The following NUCB2 variants were observed in gnomAD, a reference collection of about 807,000 sequenced individuals.
NUCB2 encodes nucleobindin 2, also known as nucleobindin-2.
NUCB2 carries 48 observed loss-of-function variants against 57.9 expected under a neutral mutation model. That is an observed-to-expected ratio of 0.83 (90% CI 0.66 to 1.05). The LOEUF is 1.05. Among genes scored for constraint, NUCB2 ranks in the 50% least tolerant of loss-of-function variants. The probability of loss-of-function intolerance (pLI) is 0.00; values close to 1 mark genes in which losing one functional copy is unlikely to be tolerated. For missense variants in NUCB2, 442 were observed against 476.2 expected (o/e 0.93, Z 0.67); for synonymous variants, 139 against 152.1 (o/e 0.91, Z 0.64).
At chr11:17,319,626 A>C (rs1949748390) in intron 11 of NUCB2, among the ~76,000 whole-genome samples, 1 of 152,226 alleles carries the variant, frequency 6.6e-6, no homozygotes, top group African/African-American at 2.4e-5. Flanking sequence ...ACCTATATAC[A>C]TTAATATTCA....
At chr11:17,300,389 G>A (rs1946508874) in intron 4 of NUCB2, among the ~76,000 whole-genome samples, 1 of 152,038 alleles carries the variant, frequency 6.6e-6, no homozygotes, top group Admixed American at 6.6e-5. Context: ...TATTTTCATT[G>A]TTCCCCAAAA....
chr11:17,287,191 A>G (rs1943897592), intron 2 of NUCB2, among the ~76,000 whole-genome samples: 1 of 151,984 alleles, frequency 6.6e-6, no homozygotes, highest in African/African-American at 2.4e-5. Context: ...ATATATCACC[A>G]CGCATGGTGG....
chr11:17,338,548 T>C (rs1281065792), intron 2 of NUCB2, among the ~76,000 whole-genome samples: 1 of 152,190 alleles, frequency 6.6e-6, no homozygotes, highest in Non-Finnish European at 1.5e-5. Flanking sequence ...TAATTAGTAA[T>C]AAATATATTT....
chr11:17,336,753 C>CAAAAAAA (rs71047542), downstream of NUCB2, among the ~76,000 whole-genome samples: 7 of 47,428 alleles, frequency 1.5e-4, no homozygotes, highest in African/African-American at 4.6e-4. Flanking sequence ...GACTCCGTCT[C>CAAAAAAA]AAAAAAAAAA....
At chr11:17,315,534 C>A in intron 11 of NUCB2, 59 bp downstream of exon 11, 1 of 975,068 alleles carries the variant, frequency 1.0e-6, no homozygotes, top group Non-Finnish European at 1.6e-6. Flanking sequence ...TCAGTCTATT[C>A]TACTTTTAAC....
chr11:17,301,905 C>G (rs757376901), intron 5 of NUCB2, 35 bp downstream of exon 5: 11 of 1,562,474 alleles, frequency 7.0e-6, no homozygotes, highest in Admixed American at 5.4e-5. Flanking sequence ...TTTTTTTTTT[C>G]TTTTTTCCTT....
At chr11:17,289,302 T>C (rs1591264418) in intron 2 of NUCB2, among the ~76,000 whole-genome samples, 1 of 152,076 alleles carries the variant, frequency 6.6e-6, no homozygotes, top group African/African-American at 2.4e-5. Context: ...GCACCCTATA[T>C]TAATTTTACA....
chr11:17,318,316 C>G (rs796847151), intron 11 of NUCB2, among the ~76,000 whole-genome samples: 49 of 146,818 alleles, frequency 3.3e-4, no homozygotes, highest in African/African-American at 1.0e-3. Flanking sequence ...CGTGCCCAGA[C>G]AGAAGTCAGC....
At chr11:17,309,988 T>C (rs775907922) in intron 6 of NUCB2, among the ~76,000 whole-genome samples, 3 of 152,208 alleles carry the variant, frequency 2.0e-5, no homozygotes, top group Non-Finnish European at 4.4e-5. Context: ...TAAGAAATAC[T>C]AGTCTGTTTG....
At chr11:17,278,702 A>G (rs1030309198) in intron 1 of NUCB2, among the ~76,000 whole-genome samples, 5 of 152,192 alleles carry the variant, frequency 3.3e-5, no homozygotes, top group Admixed American at 2.0e-4. Context: ...CAATAACATC[A>G]ATTCAGATGT....
chr11:17,285,116 TGAGGAAGATGGAAAAAGATACATAAAA>T (rs1240096640), intron 2 of NUCB2, among the ~76,000 whole-genome samples: 1 of 152,126 alleles, frequency 6.6e-6, no homozygotes, highest in Non-Finnish European at 1.5e-5. Flanking sequence ...AGAAGAGGGT[TGAGGAAGATGGAAAAAGATACATAAAA>T]GAGGCTGGGC....
chr11:17,303,261 AGAAAAAGAAGGAAAGCTTCCACATT>A (rs1947064999), intron 5 of NUCB2, among the ~76,000 whole-genome samples: 1 of 152,240 alleles, frequency 6.6e-6, no homozygotes, highest in Non-Finnish European at 1.5e-5. Context: ...TCCAGAGCAT[AGAAAAAGAAGGAAAGCTTCCACATT>A]CTTGCCATAT....
rs1394028630 is a variant in NUCB2, at chr11:17,288,953, A to ATG, written c.-1+6011_-1+6012insGT. Among the ~76,000 whole-genome samples, 52 of 35,204 alleles carry ATG rather than the reference A, an allele frequency of 1.5e-3. 7 individuals are homozygous for ATG. Among genetic ancestry groups the ATG allele is most frequent in the African/African-American group, 0.013 (51 of 3,836 alleles). 23.1% of individuals were successfully genotyped at this position (35,204 alleles called of 152,430 possible). A position where few individuals can be genotyped will look rare whatever the true frequency, so the allele number is the denominator to read the frequency against. Reference sequence around the variant, plus strand: ...CACACACACACACACACACACACATATATATATATATTTTTTTTTTTTGAG... The same window carrying ATG: ...CACACACACACACACACACACACATATGTATATATATATTTTTTTTTTTTGAG... On this transcript the variant is annotated intron_variant, in intron 2 of 13. Coordinates refer to ENST00000529010, the MANE Select transcript of NUCB2 (RefSeq NM_005013.4).
chr11:17,345,442 C>T (rs910235341), intron 2 of NUCB2, among the ~76,000 whole-genome samples: 3 of 152,140 alleles, frequency 2.0e-5, no homozygotes, highest in Non-Finnish European at 2.9e-5. Flanking sequence ...GGTGCGGTGG[C>T]TCACGCCTGT....
intron 5 of NUCB2, among the ~76,000 whole-genome samples, chr11:17,302,957 C>T (rs1042394301): frequency 3.3e-5 from 5 of 152,118 alleles, no homozygotes; most frequent in African/African-American, 1.2e-4. Flanking sequence ...CCAGGATGGT[C>T]TCAGTCTCCT....
At chr11:17,283,346 C>T (rs1355695339) in intron 2 of NUCB2, 2 of 152,222 alleles carry the variant, frequency 1.3e-5, no homozygotes, top group African/African-American at 4.8e-5. Flanking sequence ...ATGTAGCTGA[C>T]TGCATGTCTG....
At position 17,290,649 on chromosome 11, in the gene NUCB2, T is replaced by C. The variant is rs190618562; in HGVS notation, c.1-4675T>C. Among the ~76,000 whole-genome samples, 503 of 152,216 alleles carry C rather than the reference T, an allele frequency of 3.3e-3. 1 individual carries two copies. The highest frequency in any genetic ancestry group is 4.9e-3 in the Non-Finnish European group (333 of 68,014). ...AGAAAATCTTAAGTTTATATATATA[T>C]ACCTAATATTTGAATAAAAATTAAC... is the stretch of plus-strand genomic sequence containing the variant. On this transcript the variant is annotated intron_variant, in intron 2 of 13. Transcript: ENST00000529010.
downstream of NUCB2, among the ~76,000 whole-genome samples, chr11:17,335,540 C>T (rs896019945): frequency 5.3e-5 from 8 of 151,844 alleles, no homozygotes; most frequent in Non-Finnish European, 1.2e-4. Context: ...CTCACTCTGT[C>T]ACCCAGGCTA....
chr11:17,309,541 G>C, intron 5 of NUCB2, 31 bp from the exon 6 acceptor site: 1 of 1,179,408 alleles, frequency 8.5e-7, no homozygotes. Flanking sequence ...TCTAGAAATT[G>C]ATCATTTACA....
Sources: allele counts gnomAD v4.1 joint callset (sites outside exome capture counted in the v4.1 genomes callset), GRCh38; gene constraint gnomAD v4.1.1; transcripts MANE v1.5; gene names NCBI Gene and HGNC (gene_info 2026-07-23, HGNC 2026-07-21).